The following SGPP2 variants were observed in gnomAD, a reference collection of about 807,000 sequenced individuals.
The protein encoded by SGPP2 is sphingosine-1-phosphate phosphatase 2.
In SGPP2, 30 loss-of-function variants were observed where a neutral mutation model predicts 33.9. The observed-to-expected ratio is 0.89, with a 90% CI of 0.66 to 1.20. The LOEUF is 1.20. Among genes scored for constraint, SGPP2 ranks in the 50% most tolerant of loss-of-function variants. The pLI is 0.00. For synonymous variants in SGPP2, 233 were observed against 225.0 expected, an observed-to-expected ratio of 1.04 and a Z score of -0.32; for missense variants, 458 against 532.1, an observed-to-expected ratio of 0.86 and a Z score of 1.37.
intron 1 of SGPP2, among the ~76,000 whole-genome samples, chr2:222,435,909 G>A (rs917304033): frequency 1.3e-5 from 2 of 152,076 alleles, no homozygotes; most frequent in Non-Finnish European, 2.9e-5. Flanking sequence ...TTTTTTCCTC[G>A]TAGAGTGATT....
intron 1 of SGPP2, among the ~76,000 whole-genome samples, chr2:222,466,253 CTTTTTTTTTTTTTT>C (rs34005867): frequency 7.6e-5 from 8 of 104,704 alleles, no homozygotes; most frequent in African/African-American, 3.0e-4. Context: ...CTGTTTTCAA[CTTTTTTTTTTTTTT>C]TTTTTTTTTT....
chr2:222,504,898 G>A (rs1156741211), intron 2 of SGPP2: 1 of 152,204 alleles, frequency 6.6e-6, no homozygotes, highest in Admixed American at 6.5e-5. Flanking sequence ...TTAGTGGAGA[G>A]GAACTGAGAG....
At chr2:222,493,891 C>T (rs890659786) in intron 2 of SGPP2, among the ~76,000 whole-genome samples, 2 of 152,158 alleles carry the variant, frequency 1.3e-5, no homozygotes, top group Non-Finnish European at 2.9e-5. Context: ...TTCCACATCA[C>T]CAAATCAAGA....
chr2:222,426,858 A>AG (rs1198308226), intron 1 of SGPP2, among the ~76,000 whole-genome samples: 1 of 152,186 alleles, frequency 6.6e-6, no homozygotes, highest in Non-Finnish European at 1.5e-5. Flanking sequence ...CAGGACTTTA[A>AG]GGGGGCAGTT....
chr2:222,509,101 A>G (rs965342423), intron 2 of SGPP2, among the ~76,000 whole-genome samples: 2 of 152,172 alleles, frequency 1.3e-5, no homozygotes, highest in Admixed American at 6.5e-5. Context: ...GCTAAATAGG[A>G]GACCACAGAG....
intron 1 of SGPP2, among the ~76,000 whole-genome samples, chr2:222,433,534 G>A (rs1368573494): frequency 6.6e-6 from 1 of 152,172 alleles, no homozygotes; most frequent in Non-Finnish European, 1.5e-5. Flanking sequence ...GGAGCAACCA[G>A]GTACTTAATC....
chr2:222,440,539 C>T (rs1035816214), intron 1 of SGPP2, among the ~76,000 whole-genome samples: 4 of 152,032 alleles, frequency 2.6e-5, no homozygotes, highest in Non-Finnish European at 5.9e-5. Context: ...GATAGGGTTT[C>T]ACCATATTGG....
chr2:222,481,277 TCA>T (rs1698025659), intron 2 of SGPP2, among the ~76,000 whole-genome samples: 1 of 152,192 alleles, frequency 6.6e-6, no homozygotes, highest in Non-Finnish European at 1.5e-5. Context: ...AAATGATATC[TCA>T]GTTAACTTCC....
rs148690602 is a variant in SGPP2 at position 222,525,945 on chromosome 2, G to A, written c.648+912G>A. Reference sequence around the variant, plus strand: ...CAGAAGCTGCAGAGCGAACAGATTGGGGAGATCATTTGTCAAAATGAACAG... The same window carrying A: ...CAGAAGCTGCAGAGCGAACAGATTGAGGAGATCATTTGTCAAAATGAACAG... On this transcript the variant is annotated intron_variant, in intron 4 of 4. Coordinates refer to ENST00000321276, the MANE Select transcript of SGPP2 (RefSeq NM_152386.4). Among the ~76,000 whole-genome samples, 689 of 152,256 alleles carry A rather than the reference G, an allele frequency of 4.5e-3. 4 individuals carry two copies. The highest frequency in any genetic ancestry group is 7.0e-3 in the Non-Finnish European group (478 of 68,020).
intron 4 of SGPP2, among the ~76,000 whole-genome samples, chr2:222,541,219 T>TA (rs1698991967): frequency 6.6e-6 from 1 of 152,246 alleles, no homozygotes. Flanking sequence ...AACTCTAAGT[T>TA]AACTGTGGCA....
At chr2:222,449,480 T>G (rs1574836374) in intron 1 of SGPP2, among the ~76,000 whole-genome samples, 1 of 151,540 alleles carries the variant, frequency 6.6e-6, no homozygotes, top group East Asian at 1.9e-4. Flanking sequence ...ATTTTTTTTT[T>G]TTTTTTTGAG....
rs576036038 is a variant in SGPP2 at position 222,451,914 on chromosome 2, G to A, written c.220-22654G>A. ...CAGCACTTTCTGTATGTCAGGCACT[G>A]TCTAAATGCTTCTCATGCATCGATG... On this transcript the variant is annotated intron_variant, in intron 1 of 4. Transcript: ENST00000321276. Among the ~76,000 whole-genome samples, 7 of 152,246 alleles carry A rather than the reference G, an allele frequency of 4.6e-5. No homozygotes were observed. In the East Asian group the frequency reaches 1.3e-3, roughly 29 times the overall value.
chr2:222,443,869 C>T (rs1326836179), intron 1 of SGPP2, among the ~76,000 whole-genome samples: 1 of 152,192 alleles, frequency 6.6e-6, no homozygotes, highest in Non-Finnish European at 1.5e-5. Context: ...GTAACCTCTA[C>T]TGTAACCTCT....
chr2:222,489,833 C>A (rs544924129), intron 2 of SGPP2, among the ~76,000 whole-genome samples: 1 of 151,516 alleles, frequency 6.6e-6, no homozygotes, highest in African/African-American at 2.4e-5. Flanking sequence ...GGCATCGTGG[C>A]GCATGCCTGT....
rs1697940456 is a variant in SGPP2 at position 222,476,753 on chromosome 2, T to C, written c.378+2027T>C. On this transcript the variant is annotated intron_variant, in intron 2 of 4. Transcript: ENST00000321276. This position sits in a 1 kb window ranked among gnomAD's most constrained non-coding sequence, Gnocchi z 4.3. Reference sequence around the variant, plus strand: ...GTATATAGGTGTGTGTGTATATGTATGTATATAGGTGTGTATATATGCGTA... The same window carrying C: ...GTATATAGGTGTGTGTGTATATGTACGTATATAGGTGTGTATATATGCGTA... Among the ~76,000 whole-genome samples the C allele has an allele frequency of 6.6e-6, 1 of 152,004 alleles. No homozygotes were observed. The highest frequency in any genetic ancestry group is 2.1e-4 in the South Asian group (1 of 4,832).
chr2:222,450,006 C>T (rs1386413146), intron 1 of SGPP2, among the ~76,000 whole-genome samples: 1 of 152,150 alleles, frequency 6.6e-6, no homozygotes, highest in African/African-American at 2.4e-5. Flanking sequence ...TGAGCTGAAC[C>T]ATAAGAAATT....
At position 222,558,757 on chromosome 2, in the gene SGPP2, G is replaced by A; in HGVS notation, c.1059G>A (p.Trp353Ter). 1.2e-6 allele frequency: 2 copies of A among 1,614,160 alleles called. No individual in the cohort carries two copies. The highest frequency in any genetic ancestry group is 1.7e-6 in the Non-Finnish European group (2 of 1,180,036). ...QNLSLQVLYS[W>*]FKVVTRNKEA... ...TCTCACTGCAAGTATTATACTCATG[G>A]TTCAAGGTGGTCACCAGGAACAAGG... The change falls in exon 5 of 5, where the codon TGG (tryptophan) becomes TGA (stop). Residue 353 changes from tryptophan (W) to a stop codon, truncating the protein, a stop_gained. Coordinates refer to ENST00000321276, the MANE Select transcript of SGPP2 (RefSeq NM_152386.4). LOFTEE classifies it high-confidence loss of function.
chr2:222,547,057 A>C (rs1355154566), intron 4 of SGPP2, among the ~76,000 whole-genome samples: 1 of 152,190 alleles, frequency 6.6e-6, no homozygotes, highest in Non-Finnish European at 1.5e-5. Context: ...ACAGTTTGAA[A>C]AGCACTGAAA....
At chr2:222,521,649 C>G (rs1698686514) in intron 2 of SGPP2, 118 bp from the exon 3 acceptor site, 5 of 1,056,924 alleles carry the variant, frequency 4.7e-6, no homozygotes, top group Non-Finnish European at 5.4e-6. Context: ...AGTAGCTGGT[C>G]AGAGAGAAAG....
Sources: gnomAD v4.1 joint callset for allele counts (sites outside exome capture counted in the v4.1 genomes callset) on GRCh38, gnomAD v4.1.1 for gene constraint, Gnocchi (gnomAD v3.1) non-coding constraint, MANE v1.5 for transcripts, NCBI Gene and HGNC (gene_info 2026-07-23, HGNC 2026-07-21) for gene names.